Variants in ZNF766 observed in about 807,000 individuals in gnomAD.
The protein encoded by ZNF766 is zinc finger protein 766.
ZNF766 carries 13 observed loss-of-function variants against 13.2 expected under a neutral mutation model. That is an observed-to-expected ratio of 0.98 (90% CI 0.64 to 1.56). ZNF766 has a LOEUF of 1.56. ZNF766 is among the 40% of genes most tolerant of loss of function. The probability of loss-of-function intolerance (pLI) is 0.00; values close to 1 mark genes in which losing one functional copy is unlikely to be tolerated. For missense variants in ZNF766, 521 were observed against 552.2 expected, an observed-to-expected ratio of 0.94 and a Z score of 0.57; for synonymous variants, 178 against 187.6, an observed-to-expected ratio of 0.95 and a Z score of 0.42.
chr19:52,278,356 A>G (rs891155514), intron 1 of ZNF766, among the ~76,000 whole-genome samples: 1 of 152,114 alleles, frequency 6.6e-6, no homozygotes, highest in Non-Finnish European at 1.5e-5. Flanking sequence ...TGTTGGCTAC[A>G]TGTATGTCTA....
intron 1 of ZNF766, chr19:52,275,726 A>G (rs1981164621): frequency 6.9e-6 from 1 of 143,986 alleles, no homozygotes; most frequent in Non-Finnish European, 1.5e-5. Context: ...CCCAGGCCGG[A>G]GTGCAGTGCA....
chr19:52,279,689 T>G (rs1181040809), intron 1 of ZNF766, among the ~76,000 whole-genome samples: 1 of 151,408 alleles, frequency 6.6e-6, no homozygotes, highest in Non-Finnish European at 1.5e-5. Flanking sequence ...TAGTAAGACC[T>G]CACATAAATT....
chr19:52,277,454 G>A (rs1355003866), intron 1 of ZNF766: 21 of 1,542,006 alleles, frequency 1.4e-5, no homozygotes, highest in African/African-American at 2.8e-5. Flanking sequence ...GTGAGACTCC[G>A]TCTCAAAAAA....
At chr19:52,270,706 A>C (rs990592660) in intron 1 of ZNF766, among the ~76,000 whole-genome samples, 2 of 152,092 alleles carry the variant, frequency 1.3e-5, no homozygotes, top group African/African-American at 4.8e-5. Context: ...AAGAGGCAGA[A>C]ATATATGGAG....
At position 52,292,289 on chromosome 19, in the gene ZNF766, A is replaced by G. The variant is rs116753035; in HGVS notation, c.*1091A>G. 568 of 665,550 alleles carry G rather than the reference A, an allele frequency of 8.5e-4. 2 individuals are homozygous for G. In the African/African-American group the frequency reaches 9.5e-3, roughly 11 times the overall value. The allele number at this position is 665,550 out of a possible 1,614,324, so 41.2% of individuals were successfully genotyped here. ...AGATTGTCTGATTTAGAGACCATGG[A>G]GGTGGACAGAGAATAACAAAACCGT... On this transcript the variant is annotated 3_prime_UTR_variant, in exon 4 of 4. Transcript: ENST00000439461.
chr19:52,281,808 T>C (rs1305580436), intron 1 of ZNF766: 2 of 523,030 alleles, frequency 3.8e-6, no homozygotes, highest in South Asian at 2.9e-5. Context: ...CCAAGTGATA[T>C]TCATTGTCTA....
At chr19:52,289,261 C>T (rs913955859) in intron 3 of ZNF766, among the ~76,000 whole-genome samples, 71 of 151,718 alleles carry the variant, frequency 4.7e-4, no homozygotes, top group Middle Eastern at 3.4e-3. Context: ...AGCAGTTCTC[C>T]GGCCTCAGCC....
rs375659551 is a variant in ZNF766, at chr19:52,295,571, A to T, written c.*4373A>T. 1 of 152,342 alleles carries T rather than the reference A, an allele frequency of 6.6e-6. No individual in the cohort carries two copies. The highest frequency in any genetic ancestry group is 2.4e-5 in the African/African-American group (1 of 41,576). 9.4% of individuals were successfully genotyped at this position (152,342 alleles called of 1,614,324 possible). A position where few individuals can be genotyped will look rare whatever the true frequency, so the allele number is the denominator to read the frequency against. On this transcript the variant is annotated 3_prime_UTR_variant, in exon 4 of 4. Transcript: ENST00000439461. Reference sequence around the variant, plus strand: ...AAAATGAGACTGTTGTTTGGAGACAATATTTTTTGACAAGAGTATGCACAA... The same window carrying T: ...AAAATGAGACTGTTGTTTGGAGACATTATTTTTTGACAAGAGTATGCACAA...
In ZNF766 at chr19:52,290,604, C is replaced by G. The variant is rs1160668623; in HGVS notation, c.813C>G (p.Tyr271Ter). 1 of 1,614,010 alleles carries G rather than the reference C, an allele frequency of 6.2e-7. No individual in the cohort carries two copies. Among genetic ancestry groups the G allele is most frequent in the South Asian group, 1.1e-5 (1 of 91,070 alleles). Residue 271 changes from tyrosine (Y) to a stop codon, truncating the protein, a stop_gained, in exon 4 of 4, where the codon TAC becomes TAG. Coordinates refer to ENST00000439461, the MANE Select transcript of ZNF766 (RefSeq NM_001010851.3). LOFTEE classifies it low-confidence loss of function (END_TRUNC). ...HEKVHTGESPYKCNECGKVFS... is the reference protein window; with the variant it reads ...HEKVHTGESP ...AAGTGCATACTGGAGAGAGTCCTTA[C>G]AAATGTAATGAGTGTGGCAAGGTCT...
In ZNF766 at chr19:52,292,249, G is replaced by T. The variant is rs1759819412; in HGVS notation, c.*1051G>T. 2 of 692,620 alleles carry T rather than the reference G, an allele frequency of 2.9e-6. No homozygotes were observed. Among genetic ancestry groups the T allele is most frequent in the Non-Finnish European group, 5.2e-6 (2 of 382,128 alleles). 42.9% of individuals were successfully genotyped at this position (692,620 alleles called of 1,614,324 possible). ...AGTTTCCTGGAGGAATAAGGACACT[G>T]CCTTTTCAGATTAAAGATTGTCTGA... On this transcript the variant is annotated 3_prime_UTR_variant, in exon 4 of 4. Transcript: ENST00000439461.
intron 1 of ZNF766, among the ~76,000 whole-genome samples, chr19:52,276,221 A>G (rs1444864869): frequency 1.3e-5 from 2 of 152,190 alleles, no homozygotes; most frequent in African/African-American, 4.8e-5. Flanking sequence ...GCGTGACTGC[A>G]TTTGCATGTA....
rs1375338471 is a variant in ZNF766 at position 52,291,636 on chromosome 19, G to T, written c.*438G>T. The T allele has an allele frequency of 6.2e-6, 1 of 161,778 alleles. No homozygotes were observed. Among genetic ancestry groups the T allele is most frequent in the Non-Finnish European group, 1.3e-5 (1 of 74,232 alleles). 10.0% of individuals were successfully genotyped at this position (161,778 alleles called of 1,614,324 possible). On this transcript the variant is annotated 3_prime_UTR_variant, in exon 4 of 4. Coordinates refer to ENST00000439461, the MANE Select transcript of ZNF766 (RefSeq NM_001010851.3). Reference sequence around the variant, plus strand: ...TAGCCAGGCGTGGTGGCACATGCCTGCAATCCCAGCTACTCGGGAGGCTGA... The same window carrying T: ...TAGCCAGGCGTGGTGGCACATGCCTTCAATCCCAGCTACTCGGGAGGCTGA...
intron 3 of ZNF766, among the ~76,000 whole-genome samples, chr19:52,287,557 G>A (rs1481137002): frequency 6.6e-6 from 1 of 152,202 alleles, no homozygotes; most frequent in Non-Finnish European, 1.5e-5. Context: ...GAGGATTGGT[G>A]TTAAATCTTT....
At chr19:52,278,130 G>A (rs1981306623) in intron 1 of ZNF766, among the ~76,000 whole-genome samples, 1 of 151,614 alleles carries the variant, frequency 6.6e-6, no homozygotes, top group East Asian at 2.0e-4. Context: ...GTACCACCAC[G>A]CCCGGCAATT....
intron 3 of ZNF766, among the ~76,000 whole-genome samples, chr19:52,286,188 T>TCCCCCCCCCCCCC (rs71254004): frequency 6.8e-6 from 1 of 146,620 alleles, no homozygotes; most frequent in African/African-American, 2.7e-5. Flanking sequence ...AGTGGGCTTT[T>TCCCCCCCCCCCCC]CCCCCCTAAT....
chr19:52,292,195 A>G lies in ZNF766; in HGVS notation c.*997A>G, dbSNP rs1982180558. ...AAGAATCAGTAAGATGACAGGGCTG[A>G]CTTCATTAGATGAGGAGCGTTTCTA... On this transcript the variant is annotated 3_prime_UTR_variant, in exon 4 of 4. Transcript: ENST00000439461. 1 of 702,660 alleles carries G rather than the reference A, an allele frequency of 1.4e-6. No homozygotes were observed. Among genetic ancestry groups the G allele is most frequent in the Admixed American group, 2.0e-5 (1 of 49,952 alleles). The allele number at this position is 702,660 out of a possible 1,614,324, so 43.5% of individuals were successfully genotyped here.
At chr19:52,284,313 C>T (rs567053698) in intron 3 of ZNF766, among the ~76,000 whole-genome samples, 15 of 152,112 alleles carry the variant, frequency 9.9e-5, no homozygotes, top group Non-Finnish European at 1.6e-4. Context: ...GCCTCCTTGA[C>T]CTATTCATGA....
chr19:52,285,972 C>T (rs1011696051), intron 3 of ZNF766, among the ~76,000 whole-genome samples: 11 of 151,976 alleles, frequency 7.2e-5, no homozygotes, highest in African/African-American at 2.7e-4. Context: ...CACAGAGGAG[C>T]CTGGAACGTG....
Position 52,294,227 on chromosome 19 carries a change from T to C in ZNF766, c.*3029T>C, listed in dbSNP as rs900349437. 1 of 152,224 alleles carries C rather than the reference T, an allele frequency of 6.6e-6. No homozygotes were observed. The highest frequency in any genetic ancestry group is 1.5e-5 in the Non-Finnish European group (1 of 68,026). 9.4% of individuals were successfully genotyped at this position (152,224 alleles called of 1,614,324 possible). On this transcript the variant is annotated 3_prime_UTR_variant, in exon 4 of 4. Coordinates refer to ENST00000439461, the MANE Select transcript of ZNF766 (RefSeq NM_001010851.3). ...CTCAGTGACATAATTTGAAAAAATA[T>C]TAATGTTCAGAAATGTTCTCTTGAG... is the stretch of plus-strand genomic sequence containing the variant.
Sources: allele counts gnomAD v4.1 joint callset (sites outside exome capture counted in the v4.1 genomes callset), GRCh38; gene constraint gnomAD v4.1.1; transcripts MANE v1.5; gene names NCBI Gene and HGNC (gene_info 2026-07-23, HGNC 2026-07-21).